SUGCT: variants seen among roughly 807,000 people sequenced by gnomAD.
SUGCT encodes succinyl-CoA:glutarate-CoA transferase.
SUGCT carries 41 observed loss-of-function variants against 55.0 expected under a neutral mutation model. The ratio of observed to expected loss-of-function variants is 0.74; its 90% CI spans 0.58 to 0.97. The LOEUF (loss-of-function observed/expected upper bound fraction) is 0.97, where lower values mean the gene tolerates loss of function less well. Ranked by LOEUF, SUGCT falls within the 50% of genes least tolerant of loss-of-function variation. The probability of loss-of-function intolerance (pLI) is 0.00; values close to 1 mark genes in which losing one functional copy is unlikely to be tolerated. For missense variants in SUGCT, 568 were observed against 547.8 expected (o/e 1.04, Z -0.37); for synonymous variants, 187 against 200.4 (o/e 0.93, Z 0.56).
At chr7:40,334,879 G>A (rs1029706530) in intron 9 of SUGCT, among the ~76,000 whole-genome samples, 4 of 152,142 alleles carry the variant, frequency 2.6e-5, no homozygotes, top group African/African-American at 7.2e-5. Flanking sequence ...GGTTTTTATG[G>A]TTTTAGGTCT....
chr7:40,787,698 C>T (rs1790088893), intron 13 of SUGCT, among the ~76,000 whole-genome samples: 2 of 130,658 alleles, frequency 1.5e-5, no homozygotes, highest in African/African-American at 5.7e-5. Flanking sequence ...TCAAGAAATG[C>T]CTGCTCTCTC....
chr7:40,166,408 C>T (rs1055905759), intron 1 of SUGCT, among the ~76,000 whole-genome samples: 1 of 152,172 alleles, frequency 6.6e-6, no homozygotes, highest in African/African-American at 2.4e-5. Flanking sequence ...TTCTGAGTGT[C>T]TTATCAGATA....
the SUGCT span, among the ~76,000 whole-genome samples, chr7:40,957,165 A>C: frequency 2.4e-4 from 36 of 152,112 alleles, no homozygotes; most frequent in African/African-American, 8.0e-4. Context: ...TCAAGTCCTG[A>C]ATATCCTTGT....
chr7:41,020,777 A>G, the SUGCT span, among the ~76,000 whole-genome samples: 3 of 152,236 alleles, frequency 2.0e-5, no homozygotes, highest in Non-Finnish European at 2.9e-5. Context: ...AATTCTGGAT[A>G]AGTCATAAGA....
chr7:40,924,280 G>GTA, the SUGCT span, among the ~76,000 whole-genome samples: 1 of 151,828 alleles, frequency 6.6e-6, no homozygotes, highest in Non-Finnish European at 1.5e-5. Context: ...GTGTGTGTGT[G>GTA]TGTGTGTGTG....
chr7:40,739,317 A>C (rs1787342926), intron 12 of SUGCT, among the ~76,000 whole-genome samples: 1 of 152,290 alleles, frequency 6.6e-6, no homozygotes, highest in South Asian at 2.1e-4. Flanking sequence ...TTGTCATTTC[A>C]AGAATGCTAT....
chr7:40,394,946 A>T (rs939017067), intron 9 of SUGCT, among the ~76,000 whole-genome samples: 1 of 152,216 alleles, frequency 6.6e-6, no homozygotes, highest in Admixed American at 6.5e-5. Flanking sequence ...AGTTGATTCC[A>T]TATCTTGGCT....
chr7:40,676,041 G>C (rs1457384490), intron 12 of SUGCT, among the ~76,000 whole-genome samples: 2 of 152,142 alleles, frequency 1.3e-5, no homozygotes, highest in Admixed American at 6.5e-5. Flanking sequence ...ATTAACAGTA[G>C]CTGGTAATTG....
chr7:40,587,584 A>G (rs182103252), intron 12 of SUGCT, among the ~76,000 whole-genome samples: 253 of 152,342 alleles, frequency 1.7e-3, no homozygotes, highest in African/African-American at 5.8e-3. Flanking sequence ...TGTTTATTCA[A>G]TTTAGTGTTT....
chr7:40,255,032 G>A (rs141716184), intron 7 of SUGCT, among the ~76,000 whole-genome samples: 1 of 151,326 alleles, frequency 6.6e-6, no homozygotes, highest in East Asian at 2.0e-4. Context: ...TTCGAGACCA[G>A]CCTGGCCAAC....
intron 11 of SUGCT, among the ~76,000 whole-genome samples, chr7:40,475,466 T>C (rs1012954902): frequency 6.6e-6 from 1 of 152,234 alleles, no homozygotes; most frequent in Admixed American, 6.5e-5. Context: ...GTCCATAGTA[T>C]ATCCCTCATA....
intron 12 of SUGCT, among the ~76,000 whole-genome samples, chr7:40,520,066 A>G (rs763953836): frequency 5.1e-4 from 78 of 152,108 alleles, no homozygotes; most frequent in Non-Finnish European, 1.0e-3. Context: ...TTGAAAGACT[A>G]TGGAAATAGA....
chr7:40,705,768 A>T (rs1369442014), intron 12 of SUGCT, among the ~76,000 whole-genome samples: 1 of 152,126 alleles, frequency 6.6e-6, no homozygotes, highest in Non-Finnish European at 1.5e-5. Flanking sequence ...CTTGACATTT[A>T]TCCCTGGATT....
At chr7:41,014,417 ACCT>A in the SUGCT span, among the ~76,000 whole-genome samples, 2 of 152,120 alleles carry the variant, frequency 1.3e-5, no homozygotes, top group Non-Finnish European at 2.9e-5. Flanking sequence ...TTTATTCACC[ACCT>A]CCTCCTTCTC....
chr7:40,934,079 A>G, the SUGCT span, among the ~76,000 whole-genome samples: 1 of 151,992 alleles, frequency 6.6e-6, no homozygotes, highest in Non-Finnish European at 1.5e-5. Context: ...GGTTTTATCT[A>G]CCTTTGGTCT....
the SUGCT span, among the ~76,000 whole-genome samples, chr7:41,020,725 G>T: frequency 2.0e-5 from 3 of 152,280 alleles, no homozygotes; most frequent in Admixed American, 2.0e-4. Flanking sequence ...GCAACGTGGA[G>T]GGCTGGACTA....
intron 12 of SUGCT, among the ~76,000 whole-genome samples, chr7:40,626,849 A>G (rs898244076): frequency 1.3e-5 from 2 of 152,128 alleles, no homozygotes; most frequent in African/African-American, 2.4e-5. Context: ...CACACGGAAA[A>G]TGCTCAATAA....
chr7:40,241,202 T>A (rs561404541), intron 7 of SUGCT, among the ~76,000 whole-genome samples: 1 of 152,320 alleles, frequency 6.6e-6, no homozygotes, highest in East Asian at 1.9e-4. Flanking sequence ...ACTAGTGTTA[T>A]AATGAAAAAA....
At chr7:40,951,192 G>A in the SUGCT span, among the ~76,000 whole-genome samples, 1 of 152,112 alleles carries the variant, frequency 6.6e-6, no homozygotes, top group African/African-American at 2.4e-5. Context: ...TCTTGGGAGG[G>A]TGTATGTGTC....
Sources: gnomAD v4.1 joint callset for allele counts (sites outside exome capture counted in the v4.1 genomes callset) on GRCh38, gnomAD v4.1.1 for gene constraint, MANE v1.5 for transcripts, NCBI Gene and HGNC (gene_info 2026-07-23, HGNC 2026-07-21) for gene names.